Variants in PZP observed in about 807,000 individuals in gnomAD.
The protein encoded by PZP is pregnancy zone protein.
Under a neutral mutation model 179.8 loss-of-function variants are expected in PZP, and 150 were observed. The ratio of observed to expected loss-of-function variants is 0.83; its 90% CI spans 0.73 to 0.96. PZP has a LOEUF of 0.96. Among genes scored for constraint, PZP ranks in the 40% least tolerant of loss-of-function variants. The pLI is 0.00. For missense variants in PZP, 1,689 were observed against 1,764.0 expected (o/e 0.96, Z 0.76); for synonymous variants, 624 against 652.3 (o/e 0.96, Z 0.66).
chr12:9,185,063 G>C (rs181899090), intron 13 of PZP, among the ~76,000 whole-genome samples: 33 of 152,284 alleles, frequency 2.2e-4, no homozygotes, highest in Admixed American at 1.8e-3. Context: ...TCCAGCAAGG[G>C]TTCTTAATAG....
chr12:9,150,804 A>G (rs1940299964), intron 33 of PZP, 58 bp from the exon 34 acceptor site: 2 of 1,039,786 alleles, frequency 1.9e-6, no homozygotes, highest in Admixed American at 3.7e-5. Flanking sequence ...TTCTCCCATG[A>G]GCAAAACATA....
chr12:9,206,353 A>G (rs1387485220), intron 1 of PZP, among the ~76,000 whole-genome samples: 2 of 152,078 alleles, frequency 1.3e-5, no homozygotes, highest in Non-Finnish European at 2.9e-5. Flanking sequence ...ATTCTAAAGA[A>G]CTATTTTATA....
At chr12:9,192,328 C>T in intron 12 of PZP, 72 bp from the exon 13 acceptor site, 2 of 1,463,624 alleles carry the variant, frequency 1.4e-6, no homozygotes, top group Admixed American at 3.4e-5. Context: ...CCCCACATGA[C>T]CCACTTTCAG....
At chr12:9,202,287 C>T (rs1175793360) in intron 4 of PZP, 32 bp downstream of exon 4, 2 of 1,588,414 alleles carry the variant, frequency 1.3e-6, no homozygotes, top group Non-Finnish European at 1.7e-6. Context: ...CCACTCTACC[C>T]ACAACCCAAA....
At position 9,150,703 on chromosome 12, in the gene PZP, T is replaced by C; in HGVS notation, c.4325A>G (p.Asp1442Gly). The C allele has an allele frequency of 6.2e-7, 1 of 1,613,276 alleles. No homozygotes were observed. The highest frequency in any genetic ancestry group is 8.5e-7 in the Non-Finnish European group (1 of 1,179,440). Residue 1442 changes from aspartate to glycine, a missense_variant, in exon 34 of 36, where the codon GAC becomes GGC. By Grantham distance (94) the Asp-to-Gly change is moderately conservative. This residue lies in a region of PZP where 746 missense variants were observed against 749.2 expected (regional missense o/e 1.00). Transcript: ENST00000261336. ...TGGCTTCAAGTCTCCTACTGGGATG[T>C]CTTGCAGAACCATGAAGGAAAAACT... ...TLSFSFMVLQDIPVGDLKPAI... is the reference protein window; with the variant it reads ...TLSFSFMVLQGIPVGDLKPAI...
chr12:9,195,535 C>T (rs1053532405), intron 10 of PZP, among the ~76,000 whole-genome samples: 2 of 151,238 alleles, frequency 1.3e-5, no homozygotes, highest in Admixed American at 1.3e-4. Context: ...CATCGAAGTT[C>T]TGGGCTCGAG....
In PZP at chr12:9,202,345, C is replaced by T; in HGVS notation, c.454G>A (p.Glu152Lys). The change falls in exon 4 of 36, where the codon GAA (glutamate) becomes AAA (lysine). Residue 152 changes from glutamate (E) to lysine (K), a missense_variant. By Grantham distance (56) the Glu-to-Lys change is moderately conservative (BLOSUM62 1). Coordinates refer to ENST00000261336, the MANE Select transcript of PZP (RefSeq NM_002864.3). ...TVRFRVVSVD[E>K]NFRPRNELIP... is the part of the protein sequence containing the mutation. ...AGTTCATTTCGAGGGCGAAAATTTTCATCCACGGAGACAACACGGAATCTT... is the reference window on the plus strand; with the variant it reads ...AGTTCATTTCGAGGGCGAAAATTTTTATCCACGGAGACAACACGGAATCTT... The T allele has an allele frequency of 6.2e-7, 1 of 1,614,136 alleles. No individual in the cohort carries two copies. Among genetic ancestry groups the T allele is most frequent in the Non-Finnish European group, 8.5e-7 (1 of 1,179,996 alleles).
At position 9,161,704 on chromosome 12, in the gene PZP, G is replaced by T. The variant is rs750600038; in HGVS notation, c.2789-588C>A. Reference sequence around the variant, plus strand: ...GATAACATGAATATACCTTAAATTAGTCCTTCTCAAATGACAAATACAGTG... The same window carrying T: ...GATAACATGAATATACCTTAAATTATTCCTTCTCAAATGACAAATACAGTG... On this transcript the variant is annotated intron_variant, in intron 22 of 35. Transcript: ENST00000261336. Among the ~76,000 whole-genome samples the T allele has an allele frequency of 2.0e-5, 3 of 152,238 alleles. No homozygotes were observed. The South Asian group carries it at 6.2e-4, about 32-fold the overall frequency.
chr12:9,151,326 T>G (rs1940337371), intron 33 of PZP, among the ~76,000 whole-genome samples: 1 of 152,216 alleles, frequency 6.6e-6, no homozygotes, highest in African/African-American at 2.4e-5. Context: ...GTGGGGCCTT[T>G]AAAACAACAG....
At chr12:9,144,791 G>A (rs1003510631), downstream of PZP, among the ~76,000 whole-genome samples, 4 of 152,164 alleles carry the variant, frequency 2.6e-5, no homozygotes, top group African/African-American at 7.2e-5. Flanking sequence ...GGCCGGAGGG[G>A]AGGTTATCTT....
Position 9,154,771 on chromosome 12 carries a change from C to T in PZP, c.3619G>A (p.Ala1207Thr), listed in dbSNP as rs778271258. 17 of 1,613,922 alleles carry T rather than the reference C, an allele frequency of 1.1e-5. No homozygotes were observed. The East Asian group carries it at 3.1e-4, about 30-fold the overall frequency. Residue 1207 changes from alanine to threonine, a missense_variant, in exon 29 of 36, where the codon GCT (alanine) becomes ACT (threonine). Physicochemically the swap from Ala to Thr is moderately conservative, Grantham distance 58. This residue lies in a region of PZP where 746 missense variants were observed against 749.2 expected (regional missense o/e 1.00). Coordinates refer to ENST00000261336, the MANE Select transcript of PZP (RefSeq NM_002864.3). ...GTCATCTCCACCTCAGCAGAGGGAGCCTGGGTTTGGTAAAGATGCCCCACT... is the reference window on the plus strand; with the variant it reads ...GTCATCTCCACCTCAGCAGAGGGAGTCTGGGTTTGGTAAAGATGCCCCACT... ...APVGHLYQTQ[A>T]PSAEVEMTSY...
the PZP span, among the ~76,000 whole-genome samples, chr12:9,139,235 C>T: frequency 1.3e-5 from 2 of 151,744 alleles, no homozygotes; most frequent in African/African-American, 4.8e-5. Flanking sequence ...TTTATTTTTC[C>T]AGTCTTCCTT....
intron 19 of PZP, among the ~76,000 whole-genome samples, chr12:9,164,702 A>G (rs907545356): frequency 3.9e-5 from 6 of 152,262 alleles, no homozygotes; most frequent in Non-Finnish European, 8.8e-5. Flanking sequence ...GTGTCACAAG[A>G]AAGATGATCT....
chr12:9,177,500 G>A (rs571802674), intron 15 of PZP, among the ~76,000 whole-genome samples: 2 of 152,178 alleles, frequency 1.3e-5, no homozygotes, highest in Non-Finnish European at 2.9e-5. Flanking sequence ...AATTGCATGT[G>A]ATAATAAATG....
chr12:9,196,351 T>A lies in PZP; in HGVS notation c.1071A>T (p.Gln357His), dbSNP rs2121152444. The A allele has an allele frequency of 6.2e-7, 1 of 1,611,228 alleles. No homozygotes were observed. The highest frequency in any genetic ancestry group is 8.5e-7 in the Non-Finnish European group (1 of 1,177,432). ...KFVKVDSHFR[Q>H]GIPFFAQVLL... ...TTACCTGTGCAAAAAAGGGGATTCCTTGTCTAAAGTGTGAATCCACTTTCA... is the reference window on the plus strand; with the variant it reads ...TTACCTGTGCAAAAAAGGGGATTCCATGTCTAAAGTGTGAATCCACTTTCA... The change falls in exon 10 of 36, where the codon CAA (glutamine) becomes CAT (histidine). Residue 357 changes from glutamine (Q) to histidine (H), a missense_variant. Transcript: ENST00000261336.
At chr12:9,143,695 C>T in the PZP span, among the ~76,000 whole-genome samples, 2 of 152,094 alleles carry the variant, frequency 1.3e-5, no homozygotes, top group Non-Finnish European at 2.9e-5. Context: ...GTGCCATTTT[C>T]GGGCCATTAG....
At chr12:9,168,787 G>T in intron 17 of PZP, 82 bp downstream of exon 17, 1 of 1,034,788 alleles carries the variant, frequency 9.7e-7, no homozygotes, top group Non-Finnish European at 1.5e-6. Flanking sequence ...TGGAAATAGG[G>T]CTACATTACC....
At position 9,198,143 on chromosome 12, in the gene PZP, G is replaced by A. The variant is rs909552403; in HGVS notation, c.756-1020C>T. ...CAAGAAGGATTGCTTGAGGCCAAAA[G>A]TTCCCAACTAGCATGGGTAACATAG... On this transcript the variant is annotated intron_variant, in intron 7 of 35. Coordinates refer to ENST00000261336, the MANE Select transcript of PZP (RefSeq NM_002864.3). Among the ~76,000 whole-genome samples, 3 of 151,104 alleles carry A rather than the reference G, an allele frequency of 2.0e-5. No individual in the cohort carries two copies. The Admixed American group carries it at 2.0e-4, about 10-fold the overall frequency.
intron 23 of PZP, among the ~76,000 whole-genome samples, 155 bp downstream of exon 23, chr12:9,160,878 G>A (rs1941148175): frequency 1.3e-5 from 2 of 151,170 alleles, no homozygotes; most frequent in African/African-American, 4.9e-5. Flanking sequence ...TCACGTCACT[G>A]TACTCCAGCC....
Sources: allele counts gnomAD v4.1 joint callset (sites outside exome capture counted in the v4.1 genomes callset), GRCh38; gene constraint gnomAD v4.1.1; regional missense constraint gnomAD v4.1.1; transcripts MANE v1.5; gene names NCBI Gene and HGNC (gene_info 2026-07-23, HGNC 2026-07-21).